Variants in TRPM8 observed in about 807,000 individuals in gnomAD.
TRPM8 encodes the protein transient receptor potential cation channel subfamily M member 8, also known as TRPM8 cationic channel.
In TRPM8, 110 loss-of-function variants were observed where a neutral mutation model predicts 133.7. That is an observed-to-expected ratio of 0.82 (90% CI 0.70 to 0.96). TRPM8 has a LOEUF of 0.96. Ranked by LOEUF, TRPM8 falls within the 40% of genes least tolerant of loss-of-function variation. The pLI is 0.00. For synonymous variants in TRPM8, 535 were observed against 532.3 expected, an observed-to-expected ratio of 1.01 and a Z score of -0.07; for missense variants, 1,291 against 1,379.5, an observed-to-expected ratio of 0.94 and a Z score of 1.02.
intron 21 of TRPM8, 145 bp from the exon 22 acceptor site, chr2:233,996,181 G>T: frequency 1.9e-6 from 1 of 533,770 alleles, no homozygotes. Context: ...GAGTTATTTT[G>T]GCTCGTGTAT....
intron 21 of TRPM8, among the ~76,000 whole-genome samples, chr2:233,986,799 A>C (rs1692157810): frequency 6.6e-6 from 1 of 152,262 alleles, no homozygotes; most frequent in Non-Finnish European, 1.5e-5. Flanking sequence ...AAGACAACTC[A>C]TAGAAAACTT....
chr2:234,000,087 A>ATTTATTTG (rs1390317734), intron 22 of TRPM8, among the ~76,000 whole-genome samples: 11 of 726 alleles, frequency 0.015, no homozygotes, highest in South Asian at 0.14. Flanking sequence ...AATGTGGATG[A>ATTTATTTG]TTTATTTATT....
At chr2:233,985,239 G>A (rs1692116800) in intron 20 of TRPM8, among the ~76,000 whole-genome samples, 1 of 152,222 alleles carries the variant, frequency 6.6e-6, no homozygotes, top group Non-Finnish European at 1.5e-5. Flanking sequence ...ATTAGTTCAT[G>A]TTCCTGCTGC....
intron 11 of TRPM8, among the ~76,000 whole-genome samples, chr2:233,960,515 G>C (rs1005527463): frequency 6.6e-6 from 1 of 152,138 alleles, no homozygotes; most frequent in Non-Finnish European, 1.5e-5. Context: ...AAGGGGCCAA[G>C]TCACATCCAA....
chr2:233,945,861 T>C lies in TRPM8; in HGVS notation c.705T>C (p.Tyr235=), dbSNP rs771547378. ...TLIRNCDAEG[Y]FLAQYLMDDF... ...AGTTTCCCTGTACTTTTCAGGGCTA[T>C]TTTTTAGCCCAGTACCTTATGGATG... The change falls in exon 7 of 26, where the codon TAT becomes TAC. Residue 235 remains tyrosine, a synonymous_variant. Transcript: ENST00000324695. The C allele has an allele frequency of 4.3e-6, 7 of 1,609,260 alleles. No individual in the cohort carries two copies. In the East Asian group the frequency reaches 1.3e-4, roughly 31 times the overall value.
intron 1 of TRPM8, among the ~76,000 whole-genome samples, chr2:233,918,735 C>T (rs889589962): frequency 5.3e-5 from 8 of 152,156 alleles, no homozygotes; most frequent in Non-Finnish European, 1.0e-4. Flanking sequence ...CAGCTCTCTC[C>T]TGGTGGTGAC....
At chr2:234,001,651 A>AC (rs143141287) in intron 22 of TRPM8, among the ~76,000 whole-genome samples, 7,242 of 151,806 alleles carry the variant, frequency 0.048, 220 homozygotes, top group South Asian at 0.08. Flanking sequence ...GAAAAGGAGC[A>AC]CCCCCCCTTA....
At chr2:233,935,145 C>T (rs985949175) in intron 3 of TRPM8, among the ~76,000 whole-genome samples, 3 of 152,230 alleles carry the variant, frequency 2.0e-5, no homozygotes, top group Non-Finnish European at 4.4e-5. Flanking sequence ...TTTGTTCATT[C>T]ATTCAAAGGA....
At chr2:233,987,177 G>C (rs2125308945) in intron 21 of TRPM8, among the ~76,000 whole-genome samples, 1 of 152,310 alleles carries the variant, frequency 6.6e-6, no homozygotes, top group African/African-American at 2.4e-5. Context: ...GCTAAAGAAA[G>C]TGTGCTGTAT....
At chr2:234,006,095 GT>G (rs1692688668) in intron 22 of TRPM8, among the ~76,000 whole-genome samples, 1 of 152,022 alleles carries the variant, frequency 6.6e-6, no homozygotes, top group Non-Finnish European at 1.5e-5. Context: ...CATTTAAATG[GT>G]AACTCAAAAG....
At chr2:234,010,366 C>T (rs1205496831) in intron 24 of TRPM8, among the ~76,000 whole-genome samples, 1 of 152,184 alleles carries the variant, frequency 6.6e-6, no homozygotes, top group African/African-American at 2.4e-5. Flanking sequence ...ACCACATTTT[C>T]TTTATCCATT....
intron 15 of TRPM8, 47 bp from the exon 16 acceptor site, chr2:233,969,648 C>A (rs1235929411): frequency 3.4e-6 from 4 of 1,181,676 alleles, no homozygotes; most frequent in Admixed American, 3.4e-5. Context: ...ATCCTGCATA[C>A]AATTGTGTTA....
At chr2:233,949,824 C>T in intron 8 of TRPM8, 125 bp from the exon 9 acceptor site, 1 of 732,326 alleles carries the variant, frequency 1.4e-6, no homozygotes, top group South Asian at 2.0e-5. Context: ...AAAATAAAAG[C>T]CCCAAAGGAA....
intron 17 of TRPM8, 173 bp from the exon 18 acceptor site, chr2:233,980,015 C>T: frequency 1.7e-6 from 1 of 605,690 alleles, no homozygotes; most frequent in Non-Finnish European, 2.9e-6. Flanking sequence ...CTTTCCAATC[C>T]TCCTGGATTA....
At chr2:233,965,507 G>A (rs576264185) in intron 14 of TRPM8, among the ~76,000 whole-genome samples, 1 of 152,282 alleles carries the variant, frequency 6.6e-6, no homozygotes, top group African/African-American at 2.4e-5. Context: ...ATCCAGAACC[G>A]ATTACCTCTA....
intron 8 of TRPM8, chr2:233,947,509 C>A: frequency 7.6e-7 from 1 of 1,311,574 alleles, no homozygotes; most frequent in African/African-American, 1.5e-5. Flanking sequence ...TGTGATCATA[C>A]ACACACAGAT....
Position 233,938,296 on chromosome 2 carries a change from G to A in TRPM8, c.349-702G>A, listed in dbSNP as rs28901624. ...GACAAAGTCCCAGGTTCTCCACCTC[G>A]CCTGTGGGGCTTTTCAGGGCCCGTG... On this transcript the variant is annotated intron_variant, in intron 4 of 25. Coordinates refer to ENST00000324695, the MANE Select transcript of TRPM8 (RefSeq NM_024080.5). Among the ~76,000 whole-genome samples, 1,190 of 152,268 alleles carry A rather than the reference G, an allele frequency of 7.8e-3. 16 individuals are homozygous for A. The highest frequency in any genetic ancestry group is 0.027 in the African/African-American group (1,134 of 41,548).
intron 3 of TRPM8, among the ~76,000 whole-genome samples, chr2:233,935,191 G>C (rs1158477117): frequency 6.6e-6 from 1 of 152,196 alleles, no homozygotes; most frequent in Non-Finnish European, 1.5e-5. Context: ...AGAAACATGG[G>C]GACAGAGAAT....
At chr2:234,009,476 G>A (rs1209431196) in intron 24 of TRPM8, among the ~76,000 whole-genome samples, 2 of 152,136 alleles carry the variant, frequency 1.3e-5, no homozygotes, top group African/African-American at 2.4e-5. Flanking sequence ...GACAGGGTGC[G>A]AGCCTTGGCC....
Sources: gnomAD v4.1 joint callset for allele counts (sites outside exome capture counted in the v4.1 genomes callset) on GRCh38, gnomAD v4.1.1 for gene constraint, MANE v1.5 for transcripts, NCBI Gene and HGNC (gene_info 2026-07-23, HGNC 2026-07-21) for gene names.